The following AGBL4 variants were observed in gnomAD, a reference collection of about 807,000 sequenced individuals.
AGBL4 encodes the protein cytosolic carboxypeptidase 6.
AGBL4 carries 58 observed loss-of-function variants against 66.4 expected under a neutral mutation model. That is an observed-to-expected ratio of 0.87 (90% CI 0.71 to 1.09). The LOEUF is 1.09. Among genes scored for constraint, AGBL4 ranks in the 50% least tolerant of loss-of-function variants. The pLI is 0.00. For synonymous variants in AGBL4, 234 were observed against 222.9 expected, an observed-to-expected ratio of 1.05 and a Z score of -0.44; for missense variants, 579 against 631.0, an observed-to-expected ratio of 0.92 and a Z score of 0.88.
intron 6 of AGBL4, among the ~76,000 whole-genome samples, chr1:48,739,390 TC>T (rs1649562507): frequency 6.6e-6 from 1 of 152,238 alleles, no homozygotes; most frequent in African/African-American, 2.4e-5. Context: ...TAATCCAACT[TC>T]CTCAGCCTGG....
chr1:49,724,811 G>A (rs1290373265), intron 2 of AGBL4, among the ~76,000 whole-genome samples: 3 of 152,170 alleles, frequency 2.0e-5, no homozygotes, highest in South Asian at 4.1e-4. Flanking sequence ...ATGCGAGGAC[G>A]TGGCAAGAAG....
intron 1 of AGBL4, among the ~76,000 whole-genome samples, chr1:49,877,115 T>A (rs1647035671): frequency 6.6e-6 from 1 of 151,582 alleles, no homozygotes; most frequent in Non-Finnish European, 1.5e-5. Flanking sequence ...CAGGGACAAT[T>A]TGACTTCCTC....
chr1:48,831,800 T>C (rs1204409796), intron 6 of AGBL4, among the ~76,000 whole-genome samples: 1 of 152,154 alleles, frequency 6.6e-6, no homozygotes, highest in African/African-American at 2.4e-5. Context: ...AATAAACACA[T>C]GTTGTGAAAA....
chr1:49,769,138 C>G (rs1254659451), intron 2 of AGBL4, among the ~76,000 whole-genome samples: 1 of 152,052 alleles, frequency 6.6e-6, no homozygotes, highest in Non-Finnish European at 1.5e-5. Flanking sequence ...TGAGCCACCA[C>G]ACCCAGCCAA....
chr1:49,415,930 C>G (rs1184925419), intron 3 of AGBL4, among the ~76,000 whole-genome samples: 1 of 152,064 alleles, frequency 6.6e-6, no homozygotes, highest in Non-Finnish European at 1.5e-5. Context: ...AGATAAAGAG[C>G]TTATAGGACA....
chr1:49,915,593 G>A lies in AGBL4; in HGVS notation c.35-64075C>T, dbSNP rs568456049. Among the ~76,000 whole-genome samples, 70 of 152,288 alleles carry A rather than the reference G, an allele frequency of 4.6e-4. 1 individual carries two copies. Among genetic ancestry groups the A allele is most frequent in the Admixed American group, 3.9e-3 (60 of 15,304 alleles). On this transcript the variant is annotated intron_variant, in intron 1 of 13. Transcript: ENST00000371839. Reference sequence around the variant, plus strand: ...GGTAAACAAAGCGGCCCACAAGCTCGAACTGGGTGGAGCCCACTGCAGCTC... The same window carrying A: ...GGTAAACAAAGCGGCCCACAAGCTCAAACTGGGTGGAGCCCACTGCAGCTC...
At chr1:49,841,826 C>A in intron 2 of AGBL4, 2 of 404,712 alleles carry the variant, frequency 4.9e-6, no homozygotes, top group South Asian at 2.9e-5. Context: ...CCCACCGGCA[C>A]CACGGCCTTT....
At chr1:48,816,655 C>T (rs774262977) in intron 6 of AGBL4, among the ~76,000 whole-genome samples, 2 of 152,130 alleles carry the variant, frequency 1.3e-5, no homozygotes, top group African/African-American at 2.4e-5. Flanking sequence ...AATAAGAAAC[C>T]TCTGGTACCC....
intron 5 of AGBL4, among the ~76,000 whole-genome samples, chr1:48,909,284 G>C (rs1381563449): frequency 1.3e-5 from 2 of 152,138 alleles, no homozygotes; most frequent in Non-Finnish European, 2.9e-5. Context: ...GAAATGTCAT[G>C]CTGGTCACGG....
At chr1:49,551,135 A>G (rs1271625013) in intron 3 of AGBL4, among the ~76,000 whole-genome samples, 1 of 152,160 alleles carries the variant, frequency 6.6e-6, no homozygotes. Context: ...AGGGTATCCA[A>G]TGATTCCTGA....
At chr1:49,359,951 T>C (rs1421196599) in intron 3 of AGBL4, among the ~76,000 whole-genome samples, 1 of 152,074 alleles carries the variant, frequency 6.6e-6, no homozygotes, top group Non-Finnish European at 1.5e-5. Context: ...TGGTGACCCT[T>C]GATATGATGA....
chr1:48,993,476 G>A (rs1253024649), intron 5 of AGBL4, among the ~76,000 whole-genome samples: 4 of 152,168 alleles, frequency 2.6e-5, no homozygotes, highest in Non-Finnish European at 5.9e-5. Context: ...GCTGTGAGCT[G>A]TGGGGAAGGG....
chr1:49,184,882 A>C (rs190198250), intron 4 of AGBL4, among the ~76,000 whole-genome samples: 21 of 152,304 alleles, frequency 1.4e-4, no homozygotes, highest in African/African-American at 4.8e-4. Context: ...GTCCTATAAA[A>C]TTGCCATGAG....
chr1:48,546,864 A>AACAAACACACACACAC (rs767539394), intron 11 of AGBL4, among the ~76,000 whole-genome samples: 1 of 128,300 alleles, frequency 7.8e-6, no homozygotes, highest in Non-Finnish European at 1.7e-5. Context: ...AAAACAAACA[A>AACAAACACACACACAC]ACACACACAC....
At chr1:48,946,936 A>C (rs1235055657) in intron 5 of AGBL4, among the ~76,000 whole-genome samples, 1 of 152,220 alleles carries the variant, frequency 6.6e-6, no homozygotes, top group East Asian at 1.9e-4. Flanking sequence ...GCCTAAGGGC[A>C]CACCTGAGGT....
intron 1 of AGBL4, among the ~76,000 whole-genome samples, chr1:49,935,949 C>T (rs7551665): frequency 0.53 from 79,858 of 152,026 alleles, 22,308 homozygotes; most frequent in Non-Finnish European, 0.62. Context: ...TCCAAAGGAA[C>T]ACAGTTCCTC....
chr1:49,082,031 A>G (rs186509556), intron 4 of AGBL4, among the ~76,000 whole-genome samples: 293 of 152,352 alleles, frequency 1.9e-3, no homozygotes, highest in Non-Finnish European at 3.3e-3. Context: ...ATTTTGATTA[A>G]GAGGAGGGCC....
chr1:48,607,876 C>T (rs1645176712), intron 9 of AGBL4, among the ~76,000 whole-genome samples: 1 of 152,180 alleles, frequency 6.6e-6, no homozygotes, highest in African/African-American at 2.4e-5. Context: ...AAACAGCTCA[C>T]ATTGGACATC....
rs1245665803 is a variant in AGBL4, at chr1:49,581,134, G to A, written c.282+116179C>T. 4.6e-5 allele frequency among the ~76,000 whole-genome samples: 7 copies of A among 151,874 alleles called. No homozygotes were observed. In the East Asian group the frequency reaches 1.4e-3, roughly 29 times the overall value. ...TTTCTTCTGCTTGGTTTGGTCTGTT[G>A]TTGAAGCTTTTGCACATATTTTATA... On this transcript the variant is annotated intron_variant, in intron 3 of 13. Coordinates refer to ENST00000371839, the MANE Select transcript of AGBL4 (RefSeq NM_032785.4).
Sources: gnomAD v4.1 joint callset for allele counts (sites outside exome capture counted in the v4.1 genomes callset) on GRCh38, gnomAD v4.1.1 for gene constraint, MANE v1.5 for transcripts, NCBI Gene and HGNC (gene_info 2026-07-23, HGNC 2026-07-21) for gene names.